The following SLC39A11 variants were observed in gnomAD, a reference collection of about 807,000 sequenced individuals.
The protein encoded by SLC39A11 is solute carrier family 39 member 11, also known as zinc transporter ZIP11.
SLC39A11 carries 33 observed loss-of-function variants against 36.1 expected under a neutral mutation model. That is an observed-to-expected ratio of 0.91 (90% CI 0.69 to 1.22). SLC39A11 has a LOEUF of 1.22. Among genes scored for constraint, SLC39A11 ranks in the 50% most tolerant of loss-of-function variants. SLC39A11 has a pLI of 0.00. For synonymous variants in SLC39A11, 166 were observed against 170.3 expected, an observed-to-expected ratio of 0.97 and a Z score of 0.20; for missense variants, 432 against 430.3, an observed-to-expected ratio of 1.00 and a Z score of -0.03.
At chr17:72,951,331 T>TA (rs1365009709) in intron 4 of SLC39A11, among the ~76,000 whole-genome samples, 1 of 150,738 alleles carries the variant, frequency 6.6e-6, no homozygotes, top group Non-Finnish European at 1.5e-5. Flanking sequence ...TAGAAAGAGT[T>TA]ACGATGATCA....
chr17:73,005,315 T>C (rs116042022), intron 4 of SLC39A11, among the ~76,000 whole-genome samples: 18 of 152,198 alleles, frequency 1.2e-4, no homozygotes, highest in African/African-American at 4.1e-4. Context: ...AACCCACAAC[T>C]TGTGCAAATA....
intron 3 of SLC39A11, chr17:73,067,784 T>C: frequency 8.5e-7 from 1 of 1,176,396 alleles, no homozygotes; most frequent in Non-Finnish European, 1.3e-6. Flanking sequence ...CTGTTAAGTC[T>C]CTTGCCACAA....
intron 6 of SLC39A11, among the ~76,000 whole-genome samples, chr17:72,749,781 T>G (rs1198778958): frequency 6.6e-6 from 1 of 152,048 alleles, no homozygotes; most frequent in Non-Finnish European, 1.5e-5. Context: ...TCTCTCTGCT[T>G]GATCCTAGGA....
intron 4 of SLC39A11, among the ~76,000 whole-genome samples, chr17:72,979,667 C>A (rs2088147050): frequency 6.6e-6 from 1 of 152,194 alleles, no homozygotes; most frequent in Admixed American, 6.5e-5. Context: ...CCCTACCCAG[C>A]TGAGCTGCAA....
At chr17:72,981,706 G>C (rs1253919136) in intron 4 of SLC39A11, among the ~76,000 whole-genome samples, 2 of 151,648 alleles carry the variant, frequency 1.3e-5, no homozygotes, top group Non-Finnish European at 2.9e-5. Context: ...AGTTCAAAGA[G>C]GTACAAATTA....
chr17:72,981,799 T>C (rs748510771), intron 4 of SLC39A11, among the ~76,000 whole-genome samples: 5 of 151,950 alleles, frequency 3.3e-5, no homozygotes, highest in African/African-American at 7.2e-5. Flanking sequence ...ATATTGCAGA[T>C]AATTTTCTGA....
intron 5 of SLC39A11, among the ~76,000 whole-genome samples, chr17:72,944,082 A>G (rs4969036): frequency 0.53 from 80,332 of 151,966 alleles, 22,378 homozygotes; most frequent in South Asian, 0.67. Flanking sequence ...TGCAAGATCC[A>G]ATCAGATCAC....
At chr17:73,060,262 TA>T (rs200976783) in intron 3 of SLC39A11, among the ~76,000 whole-genome samples, 321 of 114,140 alleles carry the variant, frequency 2.8e-3, no homozygotes, top group African/African-American at 5.3e-3. Context: ...GAAAACAAGG[TA>T]AAAAAAAAAA....
chr17:72,687,023 GTTTTAA>G (rs945381759), intron 7 of SLC39A11, among the ~76,000 whole-genome samples: 7 of 152,092 alleles, frequency 4.6e-5, no homozygotes, highest in African/African-American at 1.7e-4. Context: ...TTTTTTAAGT[GTTTTAA>G]TTTTGTTGCT....
chr17:72,849,753 C>A lies in SLC39A11; in HGVS notation c.482G>T (p.Gly161Val). The A allele has an allele frequency of 6.2e-7, 1 of 1,605,528 alleles. No individual in the cohort carries two copies. Among genetic ancestry groups the A allele is most frequent in the Admixed American group, 1.7e-5 (1 of 57,892 alleles). Residue 161 changes from glycine (G) to valine (V), a missense_variant, in exon 6 of 10, where the codon GGC becomes GTC. Coordinates refer to ENST00000255559, the MANE Select transcript of SLC39A11 (RefSeq NM_139177.4). ...AGGGACAGCAGGACCCTCTGGAAGGCCAGTGGCTGCCGCCTTCTTTCTCTG... is the reference window on the plus strand; with the variant it reads ...AGGGACAGCAGGACCCTCTGGAAGGACAGTGGCTGCCGCCTTCTTTCTCTG... ...AYQRKKAAAT[G>V]LPEGPAVPVP...
intron 6 of SLC39A11, among the ~76,000 whole-genome samples, chr17:72,811,068 C>CAAAA (rs10707741): frequency 7.0e-6 from 1 of 141,866 alleles, no homozygotes; most frequent in East Asian, 2.0e-4. Flanking sequence ...TGAATAAAAG[C>CAAAA]AAAAAAAAAA....
intron 6 of SLC39A11, among the ~76,000 whole-genome samples, chr17:72,795,741 T>C (rs554726146): frequency 7.3e-4 from 111 of 152,262 alleles, no homozygotes; most frequent in Non-Finnish European, 9.7e-4. Context: ...ACACCATGCC[T>C]CGGCTTCTTA....
intron 7 of SLC39A11, among the ~76,000 whole-genome samples, chr17:72,695,280 C>A (rs1251196265): frequency 6.6e-6 from 1 of 152,190 alleles, no homozygotes; most frequent in Non-Finnish European, 1.5e-5. Flanking sequence ...CCATTCCTGG[C>A]TTGAGTTTTT....
intron 5 of SLC39A11, among the ~76,000 whole-genome samples, chr17:72,909,152 T>C (rs1243953815): frequency 6.6e-6 from 1 of 152,218 alleles, no homozygotes; most frequent in Non-Finnish European, 1.5e-5. Context: ...TCACCGAGGC[T>C]GGAGTAAAGT....
At chr17:72,701,426 C>T (rs2072611622) in intron 7 of SLC39A11, among the ~76,000 whole-genome samples, 1 of 152,088 alleles carries the variant, frequency 6.6e-6, no homozygotes, top group African/African-American at 2.4e-5. Context: ...GTGAGTGATG[C>T]AGTTTAAAGA....
At chr17:73,000,118 C>G (rs1440540656) in intron 4 of SLC39A11, among the ~76,000 whole-genome samples, 1 of 152,158 alleles carries the variant, frequency 6.6e-6, no homozygotes, top group Admixed American at 6.5e-5. Context: ...AAGACCTCTT[C>G]CCATAACAGG....
intron 5 of SLC39A11, among the ~76,000 whole-genome samples, chr17:72,914,384 C>A (rs1021807858): frequency 1.9e-4 from 28 of 151,312 alleles, no homozygotes; most frequent in Non-Finnish European, 3.7e-4. Context: ...AAATAAGAAA[C>A]AATATAACTA....
chr17:72,677,940 C>T (rs1430195446), intron 7 of SLC39A11, among the ~76,000 whole-genome samples: 1 of 152,196 alleles, frequency 6.6e-6, no homozygotes, highest in Non-Finnish European at 1.5e-5. Flanking sequence ...CAAGCCCATC[C>T]AGTGCTCCCG....
At chr17:72,787,252 G>A (rs1352251482) in intron 6 of SLC39A11, among the ~76,000 whole-genome samples, 1 of 75,842 alleles carries the variant, frequency 1.3e-5, no homozygotes, top group African/African-American at 4.8e-5. Flanking sequence ...ATAACCCATG[G>A]CTTTTTTTTT....
Sources: gnomAD v4.1 joint callset for allele counts (sites outside exome capture counted in the v4.1 genomes callset) on GRCh38, gnomAD v4.1.1 for gene constraint, MANE v1.5 for transcripts, NCBI Gene and HGNC (gene_info 2026-07-23, HGNC 2026-07-21) for gene names.